The following AQR variants were observed in gnomAD, a reference collection of about 807,000 sequenced individuals.
AQR encodes the protein RNA helicase aquarius.
Under a neutral mutation model 180.5 loss-of-function variants are expected in AQR, and 61 were observed. That is an observed-to-expected ratio of 0.34 (90% confidence interval 0.28 to 0.42). AQR has a LOEUF of 0.42. Among genes scored for constraint, AQR ranks in the 10% least tolerant of loss-of-function variants. The pLI is 1.00. For synonymous variants in AQR, 551 were observed against 588.8 expected (o/e 0.94, Z 0.93); for missense variants, 1,281 against 1,798.3 (o/e 0.71, Z 5.20).
intron 32 of AQR, among the ~76,000 whole-genome samples, chr15:34,865,355 T>G (rs1265486855): frequency 6.6e-6 from 1 of 152,154 alleles, no homozygotes; most frequent in Non-Finnish European, 1.5e-5. Context: ...GTCCCACTAC[T>G]CTGGCTACTA....
intron 22 of AQR, among the ~76,000 whole-genome samples, chr15:34,895,673 A>G (rs1893233000): frequency 1.3e-5 from 2 of 152,202 alleles, no homozygotes; most frequent in Non-Finnish European, 2.9e-5. Context: ...AAAGGTGTGA[A>G]GCACTTATCC....
chr15:34,852,952 A>C lies in AQR; in HGVS notation c.*3840T>G, dbSNP rs556518615. On this transcript the variant is annotated 3_prime_UTR_variant, in exon 35 of 35. Transcript: ENST00000156471. The stretch of plus-strand genomic sequence containing the variant: ...GCTGCATTCTGAGTCAAGCTCCAGG[A>C]AACTGAGCTAGGGTTTGTCTCTAAG... The C allele has an allele frequency of 6.6e-6, 1 of 152,242 alleles. No individual in the cohort carries two copies. Among genetic ancestry groups the C allele is most frequent in the Non-Finnish European group, 1.5e-5 (1 of 68,040 alleles). 9.4% of individuals were successfully genotyped at this position (152,242 alleles called of 1,614,324 possible).
At chr15:34,887,964 T>A (rs1257264435) in intron 24 of AQR, among the ~76,000 whole-genome samples, 4 of 152,176 alleles carry the variant, frequency 2.6e-5, no homozygotes, top group African/African-American at 9.6e-5. Flanking sequence ...ACAGACTCTG[T>A]TAATAAAATG....
chr15:34,893,548 T>C, intron 23 of AQR, 115 bp downstream of exon 23: 3 of 811,320 alleles, frequency 3.7e-6, no homozygotes, highest in Non-Finnish European at 6.0e-6. Context: ...ACTTATTGTG[T>C]CCCACACTTA....
At chr15:34,919,876 C>T (rs147008572) in intron 14 of AQR, among the ~76,000 whole-genome samples, 2,757 of 151,402 alleles carry the variant, frequency 0.018, 78 homozygotes, top group African/African-American at 0.058. Context: ...CCAGCCTGGG[C>T]GACAGAGAGA....
At chr15:34,911,045 A>G (rs1257718688) in intron 16 of AQR, among the ~76,000 whole-genome samples, 1 of 152,140 alleles carries the variant, frequency 6.6e-6, no homozygotes, top group Non-Finnish European at 1.5e-5. Context: ...GTCTATCTGT[A>G]TCTGGCTTAA....
intron 1 of AQR, among the ~76,000 whole-genome samples, chr15:34,969,040 C>G (rs2140512881): frequency 6.6e-6 from 1 of 152,324 alleles, no homozygotes; most frequent in East Asian, 1.9e-4. Context: ...TGAACGCTCT[C>G]AAACTACAGA....
chr15:34,883,004 T>C (rs932965781), intron 26 of AQR, among the ~76,000 whole-genome samples: 2 of 152,146 alleles, frequency 1.3e-5, no homozygotes, highest in African/African-American at 2.4e-5. Flanking sequence ...ATATAAGTGA[T>C]AGAGGAACTA....
At chr15:34,921,536 T>C (rs189040443) in intron 13 of AQR, among the ~76,000 whole-genome samples, 1 of 152,172 alleles carries the variant, frequency 6.6e-6, no homozygotes, top group Non-Finnish European at 1.5e-5. Context: ...GACTATAATT[T>C]CAAGGAAAAC....
intron 20 of AQR, among the ~76,000 whole-genome samples, chr15:34,898,700 C>T (rs541054787): frequency 1.3e-3 from 198 of 151,626 alleles, no homozygotes; most frequent in Admixed American, 1.9e-3. Context: ...CTGGCTAACA[C>T]GGCGAAACCC....
chr15:34,922,473 A>C (rs1195334651), intron 13 of AQR, among the ~76,000 whole-genome samples: 1 of 152,150 alleles, frequency 6.6e-6, no homozygotes, highest in Admixed American at 6.5e-5. Flanking sequence ...TCCCACTTTG[A>C]ATTCCCACCA....
At chr15:34,943,973 C>A (rs1894068967) in intron 6 of AQR, among the ~76,000 whole-genome samples, 4 of 152,192 alleles carry the variant, frequency 2.6e-5, no homozygotes, top group Admixed American at 2.6e-4. Context: ...TATAACCAGT[C>A]TCCTTGCTGC....
chr15:34,918,288 T>C lies in AQR; in HGVS notation c.1312A>G (p.Ile438Val). The C allele has an allele frequency of 6.2e-7, 1 of 1,613,678 alleles. No individual in the cohort carries two copies. Among genetic ancestry groups the C allele is most frequent in the Non-Finnish European group, 8.5e-7 (1 of 1,179,762 alleles). The change falls in exon 15 of 35, where the codon ATT becomes GTT. Residue 438 changes from isoleucine to valine, a missense_variant. This residue lies in a region of AQR where 200 missense variants were observed against 293.4 expected (regional missense o/e 0.68). Coordinates refer to ENST00000156471, the MANE Select transcript of AQR (RefSeq NM_014691.3). ...CCAGAATAGTACTCAGTTGGGACAA[T>C]ATTTTCATCCCATATAATTTTCTCA... is the stretch of plus-strand genomic sequence containing the variant. ...PTEKIIWDEN[I>V]VPTEYYSGEG...
At chr15:34,913,075 T>A (rs1212605290) in intron 16 of AQR, among the ~76,000 whole-genome samples, 4 of 152,204 alleles carry the variant, frequency 2.6e-5, no homozygotes, top group Non-Finnish European at 5.9e-5. Context: ...TTATCCACTA[T>A]AAATATACAA....
chr15:34,863,072 C>A (rs1210346044), intron 32 of AQR, 31 bp from the exon 33 acceptor site: 1 of 1,566,250 alleles, frequency 6.4e-7, no homozygotes, highest in Admixed American at 1.9e-5. Flanking sequence ...AATTAGCACA[C>A]TTCAAGATTA....
chr15:34,908,434 T>TCAAAAAAAAAA (rs1893452375), intron 17 of AQR, among the ~76,000 whole-genome samples: 1 of 144,026 alleles, frequency 6.9e-6, no homozygotes, highest in African/African-American at 2.5e-5. Flanking sequence ...AGACTCCGTC[T>TCAAAAAAAAAA]AAAAAAAAAA....
At chr15:34,942,541 G>A (rs1263465170) in intron 6 of AQR, among the ~76,000 whole-genome samples, 1 of 152,214 alleles carries the variant, frequency 6.6e-6, no homozygotes, top group African/African-American at 2.4e-5. Flanking sequence ...CAAGCCCAAG[G>A]CTGAAGTGCT....
intron 23 of AQR, among the ~76,000 whole-genome samples, chr15:34,890,627 A>G (rs1345679159): frequency 1.3e-5 from 2 of 152,160 alleles, no homozygotes; most frequent in African/African-American, 2.4e-5. Context: ...AAACAACCAC[A>G]CTGAGTTTCA....
Position 34,948,304 on chromosome 15 carries a change from A to G in AQR, c.290T>C (p.Met97Thr). ...SKAYLMSICC[M>T]VNEKFRENVP... ...GTTTTCTCTAAACTTCTCATTCACC[A>G]TACAGCAGATTGACATTAAATAGGC... The change falls in exon 5 of 35, where the codon ATG (methionine) becomes ACG (threonine). Residue 97 changes from methionine to threonine, a missense_variant. Physicochemically the swap from Met to Thr is moderately conservative, Grantham distance 81. Around this residue, in one of 9 missense-constraint regions of AQR, gnomAD observed 404 missense variants for 490.9 expected, o/e 0.82. Coordinates refer to ENST00000156471, the MANE Select transcript of AQR (RefSeq NM_014691.3). The G allele has an allele frequency of 6.2e-7, 1 of 1,613,724 alleles. No individual in the cohort carries two copies. The highest frequency in any genetic ancestry group is 8.5e-7 in the Non-Finnish European group (1 of 1,179,954).
Sources: gnomAD v4.1 joint callset for allele counts (sites outside exome capture counted in the v4.1 genomes callset) on GRCh38, gnomAD v4.1.1 for gene constraint, gnomAD v4.1.1 regional missense constraint, MANE v1.5 for transcripts, NCBI Gene and HGNC (gene_info 2026-07-23, HGNC 2026-07-21) for gene names.